The following HTT variants were observed in gnomAD, a reference collection of about 807,000 sequenced individuals.
The protein encoded by HTT is huntingtin.
In HTT, 104 loss-of-function variants were observed where a neutral mutation model predicts 362.3. The observed-to-expected ratio is 0.29, with a 90% CI of 0.24 to 0.34. The LOEUF (loss-of-function observed/expected upper bound fraction) is 0.34. Among genes scored for constraint, HTT ranks in the 10% least tolerant of loss-of-function variants. The pLI is 1.00. For missense variants in HTT, 3,301 were observed against 3,928.6 expected (o/e 0.84, Z 4.27); for synonymous variants, 1,577 against 1,548.7 (o/e 1.02, Z -0.43).
intron 59 of HTT, among the ~76,000 whole-genome samples, chr4:3,229,397 C>T (rs898080232): frequency 3.7e-4 from 55 of 146,908 alleles, no homozygotes; most frequent in African/African-American, 1.4e-3. Flanking sequence ...ACACCCCACA[C>T]ACCACATGTA....
At chr4:3,079,207 T>C (rs1412589288) in intron 1 of HTT, among the ~76,000 whole-genome samples, 1 of 152,072 alleles carries the variant, frequency 6.6e-6, no homozygotes, top group Non-Finnish European at 1.5e-5. Flanking sequence ...GTGTTGATAT[T>C]TTAAATACGG....
chr4:3,229,079 ACACACACACCGCC>A (rs1721067774), intron 59 of HTT, 70 bp downstream of exon 59: 1 of 1,415,110 alleles, frequency 7.1e-7, no homozygotes, highest in Non-Finnish European at 9.8e-7. Flanking sequence ...CACACCCCAC[ACACACACACCGCC>A]CACACACATG....
chr4:3,223,707 G>C lies in HTT; in HGVS notation c.7625+147G>C. 3 of 807,188 alleles carry C rather than the reference G, an allele frequency of 3.7e-6. No homozygotes were observed. In the South Asian group the frequency reaches 5.4e-5, roughly 15 times the overall value. The allele number at this position is 807,188 out of a possible 1,614,324, so 50.0% of individuals were successfully genotyped here. On this transcript the variant is annotated intron_variant, in intron 55 of 66. Transcript: ENST00000355072. The stretch of plus-strand genomic sequence containing the variant: ...CGTCCGTGTGGCCTGTGCAGGAGAT[G>C]CAGACCCAAAGGTGGCCTCCTGGTC...
At chr4:3,233,626 CTCTGCTCTCGAGGCCA>C (rs1346584847) in intron 61 of HTT, among the ~76,000 whole-genome samples, 6 of 152,236 alleles carry the variant, frequency 3.9e-5, no homozygotes, top group Non-Finnish European at 8.8e-5. Flanking sequence ...CCATTCCTGA[CTCTGCTCTCGAGGCCA>C]TCGGCTCTCA....
intron 6 of HTT, among the ~76,000 whole-genome samples, chr4:3,109,973 AG>A (rs781575920): frequency 6.6e-6 from 1 of 152,122 alleles, no homozygotes; most frequent in African/African-American, 2.4e-5. Flanking sequence ...GGCATCTTGG[AG>A]GTGGAGGAGA....
intron 45 of HTT, among the ~76,000 whole-genome samples, chr4:3,208,311 A>C (rs939297453): frequency 2.0e-5 from 3 of 152,256 alleles, no homozygotes; most frequent in Non-Finnish European, 4.4e-5. Context: ...AGATTAAAAG[A>C]TTATAAATAT....
At chr4:3,153,368 GGAGT>G (rs1304636762) in intron 26 of HTT, among the ~76,000 whole-genome samples, 2 of 152,156 alleles carry the variant, frequency 1.3e-5, no homozygotes, top group African/African-American at 2.4e-5. Context: ...CTAAGATCAG[GGAGT>G]GAGTAAGTAG....
Position 3,228,733 on chromosome 4 carries a change from C to A in HTT, c.7967C>A (p.Pro2656Gln). Residue 2656 changes from proline to glutamine, a missense_variant, in exon 58 of 67, where the codon CCA (proline) becomes CAA (glutamine). Transcript: ENST00000355072. The surrounding 1 kb of genome is among the most constrained non-coding windows in gnomAD (Gnocchi z 4.3). ...APAPSSPPTS[P>Q]VNSRKHRAGV... ...GCACCTTCGTCACCACCCACGTCTC[C>A]AGTCAACTCCAGGTTTTCCAATGGC... is the stretch of plus-strand genomic sequence containing the variant. 6.3e-7 allele frequency: 1 copy of A among 1,589,746 alleles called. No individual in the cohort carries two copies. The highest frequency in any genetic ancestry group is 8.6e-7 in the Non-Finnish European group (1 of 1,167,508).
Position 3,103,821 on chromosome 4 carries a change from T to C in HTT, c.469-3T>C. On this transcript the variant is annotated splice_region_variant and splice_polypyrimidine_tract_variant and intron_variant, in intron 3 of 66. Coordinates refer to ENST00000355072, the MANE Select transcript of HTT (RefSeq NM_001388492.1). The stretch of plus-strand genomic sequence containing the variant: ...TCCATAAATCTCTTGTGATTTGTTG[T>C]AGGCTTTGATGGATTCTAATCTTCC... The C allele has an allele frequency of 6.3e-7, 1 of 1,584,158 alleles. No homozygotes were observed. Among genetic ancestry groups the C allele is most frequent in the South Asian group, 1.1e-5 (1 of 89,596 alleles).
At position 3,132,725 on chromosome 4, in the gene HTT, C is replaced by T. The variant is rs111903799; in HGVS notation, c.2395+5C>T. Reference sequence around the variant, plus strand: ...GCACCATTAGAACCCTCACAGGTAACGGCCAGTTTTTCAGCTGTGTTTTTT... The same window carrying T: ...GCACCATTAGAACCCTCACAGGTAATGGCCAGTTTTTCAGCTGTGTTTTTT... On this transcript the variant is annotated splice_donor_5th_base_variant and intron_variant, in intron 17 of 66. Coordinates refer to ENST00000355072, the MANE Select transcript of HTT (RefSeq NM_001388492.1). 95 of 1,614,078 alleles carry T rather than the reference C, an allele frequency of 5.9e-5. No individual in the cohort carries two copies. Among genetic ancestry groups the T allele is most frequent in the African/African-American group, 3.3e-4 (25 of 75,052 alleles).
chr4:3,080,391 G>T (rs549042260), intron 1 of HTT, among the ~76,000 whole-genome samples: 2 of 146,690 alleles, frequency 1.4e-5, no homozygotes, highest in Non-Finnish European at 3.0e-5. Context: ...CACTGCACCC[G>T]GTCAGAACCC....
Position 3,236,263 on chromosome 4 carries a change from C to A in HTT, c.8891+9C>A, listed in dbSNP as rs747176607. On this transcript the variant is annotated intron_variant, in intron 64 of 66. Coordinates refer to ENST00000355072, the MANE Select transcript of HTT (RefSeq NM_001388492.1). Reference sequence around the variant, plus strand: ...TCTGTTCTTTTTGATAGGTAAGAAGCGAAGCCCCATCCCTCAGCCGTTAGC... The same window carrying A: ...TCTGTTCTTTTTGATAGGTAAGAAGAGAAGCCCCATCCCTCAGCCGTTAGC... 1 of 1,576,686 alleles carries A rather than the reference C, an allele frequency of 6.3e-7. No individual in the cohort carries two copies. Among genetic ancestry groups the A allele is most frequent in the South Asian group, 1.1e-5 (1 of 90,350 alleles).
chr4:3,121,595 G>C (rs1342888384), intron 9 of HTT, 163 bp downstream of exon 9: 3 of 579,274 alleles, frequency 5.2e-6, no homozygotes, highest in Admixed American at 6.2e-5. Context: ...GGGGAGTTGG[G>C]CTGGGTGTGG....
chr4:3,128,781 CAT>C (rs1715643187), intron 12 of HTT: 1 of 152,142 alleles, frequency 6.6e-6, no homozygotes, highest in Non-Finnish European at 1.5e-5. Context: ...ATATGTGTAA[CAT>C]AAAATTTATG....
At chr4:3,213,910 A>G (rs1382176240) in intron 49 of HTT, 48 bp from the exon 50 acceptor site, 2 of 1,440,122 alleles carry the variant, frequency 1.4e-6, no homozygotes, top group East Asian at 5.2e-5. Flanking sequence ...GGCTTCCCCA[A>G]ACGAAGGTAC....
rs1202771305 is a variant in HTT at position 3,228,234 on chromosome 4, A to G, written c.7849-381A>G. ...GGAGCTCTGGCCTTGGGTTTACCGC[A>G]ATGACTGCCAGTGCGGGAGACTGGA... On this transcript the variant is annotated intron_variant, in intron 57 of 66. Coordinates refer to ENST00000355072, the MANE Select transcript of HTT (RefSeq NM_001388492.1). This position sits in a 1 kb window ranked among gnomAD's most constrained non-coding sequence, Gnocchi z 4.3. 1.3e-5 allele frequency among the ~76,000 whole-genome samples: 2 copies of G among 152,186 alleles called. No individual in the cohort carries two copies. Among genetic ancestry groups the G allele is most frequent in the Non-Finnish European group, 2.9e-5 (2 of 68,028 alleles).
intron 29 of HTT, among the ~76,000 whole-genome samples, chr4:3,164,049 T>C (rs960905330): frequency 1.3e-4 from 20 of 152,238 alleles, no homozygotes; most frequent in Non-Finnish European, 2.5e-4. Context: ...TTCTGCTTTC[T>C]CTTGTGGGCA....
At chr4:3,199,413 G>A (rs1318373378) in intron 40 of HTT, among the ~76,000 whole-genome samples, 1 of 151,994 alleles carries the variant, frequency 6.6e-6, no homozygotes, top group Non-Finnish European at 1.5e-5. Context: ...GGTGGCAGGC[G>A]CCTGTAATCC....
chr4:3,205,001 T>G (rs1345184325), intron 42 of HTT, among the ~76,000 whole-genome samples: 3 of 152,162 alleles, frequency 2.0e-5, no homozygotes, highest in Non-Finnish European at 4.4e-5. Flanking sequence ...TTTTTTTAAG[T>G]TAATTTGTAG....
Sources: allele counts gnomAD v4.1 joint callset (sites outside exome capture counted in the v4.1 genomes callset), GRCh38; gene constraint gnomAD v4.1.1; non-coding constraint Gnocchi (gnomAD v3.1); transcripts MANE v1.5; gene names NCBI Gene and HGNC (gene_info 2026-07-23, HGNC 2026-07-21).